The following SLC2A13 variants were observed in gnomAD, a reference collection of about 807,000 sequenced individuals.
SLC2A13 encodes solute carrier family 2 member 13.
In SLC2A13, 32 loss-of-function variants were observed where a neutral mutation model predicts 64.4. The observed-to-expected ratio is 0.50, with a 90% CI of 0.37 to 0.67. SLC2A13 has a LOEUF of 0.67. SLC2A13 is among the 30% of genes least tolerant of loss of function. The probability of loss-of-function intolerance (pLI) is 0.00; values close to 1 mark genes in which losing one functional copy is unlikely to be tolerated. For missense variants in SLC2A13, 743 were observed against 829.2 expected (o/e 0.90, Z 1.28); for synonymous variants, 338 against 327.1 (o/e 1.03, Z -0.36).
chr12:39,936,260 T>C (rs993514478), intron 4 of SLC2A13, among the ~76,000 whole-genome samples: 1 of 152,190 alleles, frequency 6.6e-6, no homozygotes, highest in African/African-American at 2.4e-5. Context: ...CTTTGATCTT[T>C]TTCTCTTTGG....
chr12:39,929,635 CCT>C (rs1017589113), intron 4 of SLC2A13, among the ~76,000 whole-genome samples: 1 of 151,994 alleles, frequency 6.6e-6, no homozygotes, highest in Non-Finnish European at 1.5e-5. Flanking sequence ...TACAGCTGTC[CCT>C]CAGGGGGCAA....
chr12:40,000,600 T>C (rs1049308065), intron 3 of SLC2A13, among the ~76,000 whole-genome samples: 1 of 152,170 alleles, frequency 6.6e-6, no homozygotes, highest in African/African-American at 2.4e-5. Flanking sequence ...GATCATGGCA[T>C]TGGCAGGTTT....
chr12:40,008,738 T>C (rs1263517949), intron 3 of SLC2A13, among the ~76,000 whole-genome samples: 1 of 152,126 alleles, frequency 6.6e-6, no homozygotes, highest in Non-Finnish European at 1.5e-5. Context: ...CTTTGAAGCT[T>C]AGAAAGAAAT....
intron 4 of SLC2A13, among the ~76,000 whole-genome samples, chr12:39,937,554 C>T (rs1305179552): frequency 6.6e-6 from 1 of 152,108 alleles, no homozygotes; most frequent in Non-Finnish European, 1.5e-5. Context: ...CATTTCTTCT[C>T]CTTACCTTTC....
intron 4 of SLC2A13, among the ~76,000 whole-genome samples, chr12:39,944,189 C>T (rs1946094735): frequency 6.6e-6 from 1 of 152,166 alleles, no homozygotes; most frequent in Non-Finnish European, 1.5e-5. Context: ...CAGTTTTATT[C>T]CACTGTGATT....
At chr12:40,100,588 C>T (rs1366644345) in intron 1 of SLC2A13, among the ~76,000 whole-genome samples, 3 of 152,178 alleles carry the variant, frequency 2.0e-5, no homozygotes, top group African/African-American at 7.2e-5. Flanking sequence ...TAACTAACCA[C>T]ACTTCAAAAC....
chr12:39,828,177 A>C (rs1402096208), intron 7 of SLC2A13, among the ~76,000 whole-genome samples: 2 of 152,212 alleles, frequency 1.3e-5, no homozygotes, highest in Admixed American at 6.5e-5. Context: ...TTTCTAGCCA[A>C]GACTAAGGAG....
At chr12:39,797,976 G>A (rs10784065) in intron 7 of SLC2A13, among the ~76,000 whole-genome samples, 114,930 of 152,034 alleles carry the variant, frequency 0.76, 43,985 homozygotes, top group Non-Finnish European at 0.82. Flanking sequence ...GAATAGGGTT[G>A]ACTTGTGTAA....
intron 6 of SLC2A13, among the ~76,000 whole-genome samples, chr12:39,856,899 T>C (rs1943623301): frequency 1.3e-5 from 2 of 152,244 alleles, no homozygotes; most frequent in South Asian, 4.1e-4. Flanking sequence ...TTCATATTTA[T>C]ATTTTCTGTA....
chr12:40,068,059 A>G (rs1322207260), intron 1 of SLC2A13, among the ~76,000 whole-genome samples: 2 of 151,980 alleles, frequency 1.3e-5, no homozygotes, highest in Non-Finnish European at 2.9e-5. Flanking sequence ...AACCACTACC[A>G]TGCCCAGCTA....
At chr12:39,937,664 C>T (rs1317131237) in intron 4 of SLC2A13, among the ~76,000 whole-genome samples, 1 of 152,166 alleles carries the variant, frequency 6.6e-6, no homozygotes, top group African/African-American at 2.4e-5. Flanking sequence ...TGATACTTTA[C>T]AAACCATGGA....
intron 3 of SLC2A13, among the ~76,000 whole-genome samples, chr12:39,989,285 C>T (rs1363695238): frequency 6.6e-6 from 1 of 152,160 alleles, no homozygotes; most frequent in Non-Finnish European, 1.5e-5. Flanking sequence ...CTCTGACTTT[C>T]CTGGACCAAC....
chr12:39,986,430 T>C (rs1023452256), intron 3 of SLC2A13, among the ~76,000 whole-genome samples: 21 of 152,132 alleles, frequency 1.4e-4, no homozygotes, highest in Non-Finnish European at 2.4e-4. Flanking sequence ...AACTAGTGCA[T>C]GGTTTCTCAA....
intron 3 of SLC2A13, among the ~76,000 whole-genome samples, chr12:39,953,892 A>G (rs1210420197): frequency 6.6e-6 from 1 of 152,184 alleles, no homozygotes. Context: ...GATGAAAAAG[A>G]GTCCCACAAG....
intron 4 of SLC2A13, among the ~76,000 whole-genome samples, chr12:39,885,871 T>G (rs1354488589): frequency 2.0e-5 from 3 of 152,314 alleles, no homozygotes; most frequent in East Asian, 3.9e-4. Context: ...TCTGATTCAT[T>G]TCAAGAGATT....
chr12:40,030,708 C>G (rs964290078), intron 2 of SLC2A13, among the ~76,000 whole-genome samples: 1 of 151,474 alleles, frequency 6.6e-6, no homozygotes, highest in Non-Finnish European at 1.5e-5. Flanking sequence ...AGTATTTTTA[C>G]AAGTTTTTTT....
chr12:40,081,641 C>T (rs1460679146), intron 1 of SLC2A13, among the ~76,000 whole-genome samples: 7 of 152,152 alleles, frequency 4.6e-5, no homozygotes, highest in East Asian at 3.9e-4. Context: ...TAAATCTGGA[C>T]GACCTTATTT....
At chr12:39,815,481 T>C (rs1233142437) in intron 7 of SLC2A13, among the ~76,000 whole-genome samples, 1 of 152,196 alleles carries the variant, frequency 6.6e-6, no homozygotes, top group African/African-American at 2.4e-5. Flanking sequence ...TTTCACCTAT[T>C]ACTATCCTTT....
At chr12:40,039,979 GT>G (rs1948058307) in intron 2 of SLC2A13, among the ~76,000 whole-genome samples, 2 of 152,130 alleles carry the variant, frequency 1.3e-5, no homozygotes, top group Admixed American at 1.3e-4. Flanking sequence ...CACACATTCT[GT>G]CCATGTTTTA....
Sources: allele counts gnomAD v4.1 joint callset (sites outside exome capture counted in the v4.1 genomes callset), GRCh38; gene constraint gnomAD v4.1.1; transcripts MANE v1.5; gene names NCBI Gene and HGNC (gene_info 2026-07-23, HGNC 2026-07-21).